NUAK1: variants seen among roughly 807,000 people sequenced by gnomAD.
NUAK1 encodes the protein NUAK family kinase 1.
Under a neutral mutation model 56.9 loss-of-function variants are expected in NUAK1, and 26 were observed. The ratio of observed to expected loss-of-function variants is 0.46; its 90% confidence interval spans 0.33 to 0.63. NUAK1 has a LOEUF of 0.63. NUAK1 is among the 30% of genes least tolerant of loss of function. The probability of loss-of-function intolerance (pLI) is 0.02; values close to 1 mark genes in which losing one functional copy is unlikely to be tolerated. For synonymous variants in NUAK1, 337 were observed against 336.0 expected (o/e 1.00, Z -0.03); for missense variants, 727 against 876.1 (o/e 0.83, Z 2.15).
chr12:106,084,823 G>A (rs946925703), intron 3 of NUAK1, among the ~76,000 whole-genome samples: 2 of 152,204 alleles, frequency 1.3e-5, no homozygotes, highest in Admixed American at 6.5e-5. Flanking sequence ...GGGGTGAGTG[G>A]ACAAGTAACA....
chr12:106,091,389 G>A (rs1035110728), intron 2 of NUAK1, among the ~76,000 whole-genome samples: 3 of 152,158 alleles, frequency 2.0e-5, no homozygotes, highest in Non-Finnish European at 4.4e-5. Context: ...GCCAGGTGGT[G>A]TACAGCCTGG....
chr12:106,079,480 G>T (rs2032494444), intron 4 of NUAK1, among the ~76,000 whole-genome samples: 1 of 152,144 alleles, frequency 6.6e-6, no homozygotes, highest in African/African-American at 2.4e-5. Context: ...AAGGATCAGG[G>T]AAGGCTTCCT....
At chr12:106,111,459 C>T (rs1357886107) in intron 1 of NUAK1, among the ~76,000 whole-genome samples, 3 of 151,922 alleles carry the variant, frequency 2.0e-5, no homozygotes, top group African/African-American at 7.3e-5. Context: ...TGTATGTCGT[C>T]GAGGCTCTAA....
intron 4 of NUAK1, among the ~76,000 whole-genome samples, chr12:106,082,940 CG>C (rs1470408279): frequency 6.6e-6 from 1 of 152,114 alleles, no homozygotes; most frequent in Non-Finnish European, 1.5e-5. Flanking sequence ...CTGCTGGTGC[CG>C]GGAGTACTAA....
intron 1 of NUAK1, among the ~76,000 whole-genome samples, chr12:106,132,563 T>C (rs928284967): frequency 6.6e-6 from 1 of 152,128 alleles, no homozygotes; most frequent in Admixed American, 6.5e-5. Flanking sequence ...GGCAGGGAAG[T>C]GAACCAGCTT....
intron 1 of NUAK1, among the ~76,000 whole-genome samples, chr12:106,110,305 T>C (rs1296939540): frequency 1.3e-5 from 2 of 152,180 alleles, no homozygotes; most frequent in Non-Finnish European, 2.9e-5. Context: ...ATCCACTTGT[T>C]CTTTTTGAAA....
At chr12:106,096,412 G>T (rs1370016820) in intron 2 of NUAK1, among the ~76,000 whole-genome samples, 1 of 152,142 alleles carries the variant, frequency 6.6e-6, no homozygotes, top group Non-Finnish European at 1.5e-5. Flanking sequence ...GGCTGGACAG[G>T]CTCACAGCTG....
chr12:106,124,825 C>T (rs988517582), intron 1 of NUAK1, among the ~76,000 whole-genome samples: 2 of 151,848 alleles, frequency 1.3e-5, no homozygotes, highest in African/African-American at 2.4e-5. Context: ...GCCTGTGCCC[C>T]GTCTCTACTA....
intron 1 of NUAK1, among the ~76,000 whole-genome samples, chr12:106,120,428 A>G (rs909958474): frequency 1.7e-4 from 26 of 152,188 alleles, no homozygotes; most frequent in African/African-American, 5.8e-4. Flanking sequence ...TATTATAATA[A>G]TAACGAACAG....
rs11112877 is a variant in NUAK1 at position 106,132,315 on chromosome 12, T to C, written c.240+6099A>G. On this transcript the variant is annotated intron_variant, in intron 1 of 6. Transcript: ENST00000261402. ...CGTACAACTTCGACACCTCCCAAGA[T>C]ATTCTCTCGCTCAATGTATTCACTT... is the stretch of plus-strand genomic sequence containing the variant. Among the ~76,000 whole-genome samples, 783 of 152,312 alleles carry C rather than the reference T, an allele frequency of 5.1e-3. 8 individuals are homozygous for C. Among genetic ancestry groups the C allele is most frequent in the African/African-American group, 0.018 (752 of 41,574 alleles).
At chr12:106,084,964 T>C (rs1426906624) in intron 3 of NUAK1, among the ~76,000 whole-genome samples, 1 of 152,240 alleles carries the variant, frequency 6.6e-6, no homozygotes, top group Non-Finnish European at 1.5e-5. Flanking sequence ...CATTTGACCA[T>C]TCTTAATATC....
At chr12:106,068,970 C>T (rs899105116) in intron 6 of NUAK1, among the ~76,000 whole-genome samples, 7 of 152,128 alleles carry the variant, frequency 4.6e-5, no homozygotes, top group Non-Finnish European at 8.8e-5. Flanking sequence ...TGCCAGGAAC[C>T]GCATTGGCAT....
intron 1 of NUAK1, among the ~76,000 whole-genome samples, chr12:106,123,753 C>G (rs970048978): frequency 6.6e-6 from 1 of 152,166 alleles, no homozygotes; most frequent in Non-Finnish European, 1.5e-5. Context: ...GACTGCAGCT[C>G]AGGATCACAC....
chr12:106,129,117 T>C (rs1425926940), intron 1 of NUAK1, among the ~76,000 whole-genome samples: 1 of 152,156 alleles, frequency 6.6e-6, no homozygotes, highest in Non-Finnish European at 1.5e-5. Flanking sequence ...TCTGAAAAAC[T>C]ACCCGCCTGG....
chr12:106,098,107 G>A (rs1021238548), intron 2 of NUAK1, among the ~76,000 whole-genome samples: 1 of 152,122 alleles, frequency 6.6e-6, no homozygotes, highest in Non-Finnish European at 1.5e-5. Context: ...TTTCTCTTCT[G>A]CTTCTCTGGA....
At chr12:106,081,000 C>G (rs1330599424) in intron 4 of NUAK1, among the ~76,000 whole-genome samples, 1 of 152,200 alleles carries the variant, frequency 6.6e-6, no homozygotes, top group African/African-American at 2.4e-5. Flanking sequence ...GAGAATATAC[C>G]ACCAGAAGAC....
chr12:106,124,946 G>A (rs189300881), intron 1 of NUAK1, among the ~76,000 whole-genome samples: 44 of 152,060 alleles, frequency 2.9e-4, no homozygotes, highest in African/African-American at 1.1e-3. Context: ...GCAATGAGCC[G>A]AGATCACGCC....
At position 106,114,484 on chromosome 12, in the gene NUAK1, A is replaced by C. The variant is rs796607329; in HGVS notation, c.241-7959T>G. Among the ~76,000 whole-genome samples the C allele has an allele frequency of 7.9e-5, 12 of 152,246 alleles. No individual in the cohort carries two copies. The South Asian group carries it at 1.0e-3, about 13-fold the overall frequency. The stretch of plus-strand genomic sequence containing the variant: ...TTGTGTATATGATGGAAGGCAGAGA[A>C]GGCAAATAGTACCTACGGCAGAAGC... On this transcript the variant is annotated intron_variant, in intron 1 of 6. Coordinates refer to ENST00000261402, the MANE Select transcript of NUAK1 (RefSeq NM_014840.3).
chr12:106,110,467 A>G (rs1211110993), intron 1 of NUAK1, among the ~76,000 whole-genome samples: 2 of 152,186 alleles, frequency 1.3e-5, no homozygotes, highest in Admixed American at 6.5e-5. Flanking sequence ...AAAGAAATGC[A>G]CAGACATGCC....
Sources: allele counts gnomAD v4.1 joint callset (sites outside exome capture counted in the v4.1 genomes callset), GRCh38; gene constraint gnomAD v4.1.1; transcripts MANE v1.5; gene names NCBI Gene and HGNC (gene_info 2026-07-23, HGNC 2026-07-21).